Variants in STRN3 observed in about 807,000 individuals in gnomAD.
The protein encoded by STRN3 is striatin 3.
A neutral mutation model predicts 95.6 loss-of-function variants in STRN3; 29 were observed. The observed-to-expected ratio is 0.30, with a 90% confidence interval of 0.23 to 0.41. STRN3 has a LOEUF of 0.41. STRN3 is among the 10% of genes least tolerant of loss of function. The pLI is 1.00. For synonymous variants in STRN3, 331 were observed against 357.6 expected (o/e 0.93, Z 0.84); for missense variants, 890 against 972.1 (o/e 0.92, Z 1.12).
intron 1 of STRN3, among the ~76,000 whole-genome samples, chr14:30,982,948 T>C (rs1881483973): frequency 6.6e-6 from 1 of 152,100 alleles, no homozygotes; most frequent in Admixed American, 6.6e-5. Context: ...TACCCTTTAA[T>C]CTATAATAAA....
At chr14:31,021,196 T>C (rs189328265) in intron 1 of STRN3, among the ~76,000 whole-genome samples, 43 of 152,166 alleles carry the variant, frequency 2.8e-4, no homozygotes, top group African/African-American at 9.2e-4. Flanking sequence ...TGAATGGATG[T>C]ATTGAATTTG....
intron 1 of STRN3, among the ~76,000 whole-genome samples, chr14:31,000,550 C>A: frequency 6.6e-6 from 1 of 151,186 alleles, no homozygotes. Flanking sequence ...TAAATGGTAC[C>A]CAGGAAAATA....
Position 30,956,209 on chromosome 14 carries a change from CT to C in STRN3, c.315del (p.Gly106ValfsTer5). ...ARIAFLQGER[K>X]GQENLKKDLV... ...AAGTCCTTCTTCAGGTTCTCTTGAC[CT>C]TTTCTTTCGCCTTGTAGAAATGCAA... On this transcript the variant is annotated frameshift_variant, in exon 2 of 18. Coordinates refer to ENST00000357479, the MANE Select transcript of STRN3 (RefSeq NM_001083893.2). LOFTEE classifies it high-confidence loss of function. The C allele has an allele frequency of 6.2e-7, 1 of 1,613,842 alleles. No individual in the cohort carries two copies.
chr14:30,970,642 C>T (rs1566466011), intron 1 of STRN3, among the ~76,000 whole-genome samples: 1 of 152,198 alleles, frequency 6.6e-6, no homozygotes, highest in Non-Finnish European at 1.5e-5. Flanking sequence ...CCACTGCCTG[C>T]ACCAGCTTCT....
intron 8 of STRN3, 38 bp downstream of exon 8, chr14:30,929,163 G>T (rs1241614481): frequency 1.3e-6 from 2 of 1,504,832 alleles, no homozygotes; most frequent in Admixed American, 2.1e-5. Flanking sequence ...CTCAATTATT[G>T]GTATACAAAA....
chr14:31,001,540 T>TAA (rs879303908), intron 1 of STRN3, among the ~76,000 whole-genome samples: 9 of 136,776 alleles, frequency 6.6e-5, no homozygotes, highest in Non-Finnish European at 6.4e-5. Flanking sequence ...AGACCCCACC[T>TAA]AAAAAAAAAA....
At chr14:30,991,615 A>G (rs901317000) in intron 1 of STRN3, among the ~76,000 whole-genome samples, 49 of 152,192 alleles carry the variant, frequency 3.2e-4, no homozygotes, top group African/African-American at 1.2e-3. Flanking sequence ...AGGAAACAGT[A>G]TGTGTGAAGG....
In STRN3 at chr14:30,956,128, G is replaced by C; in HGVS notation, c.386+11C>G. The C allele has an allele frequency of 6.2e-7, 1 of 1,602,324 alleles. No individual in the cohort carries two copies. The highest frequency in any genetic ancestry group is 2.2e-5 in the East Asian group (1 of 44,796). ...CTACTTTATTCATGTAACAAAATGA[G>C]GCACACATACCTTTCTTGTTTTAAT... is the stretch of plus-strand genomic sequence containing the variant. On this transcript the variant is annotated intron_variant, in intron 2 of 17. Transcript: ENST00000357479.
intron 4 of STRN3, among the ~76,000 whole-genome samples, chr14:30,949,335 A>G (rs1478972836): frequency 1.3e-5 from 2 of 152,226 alleles, no homozygotes; most frequent in Admixed American, 6.5e-5. Context: ...TACAGAGGCC[A>G]GGTGCGGTGG....
At chr14:30,909,989 C>T (rs574849733) in intron 13 of STRN3, among the ~76,000 whole-genome samples, 2 of 152,180 alleles carry the variant, frequency 1.3e-5, no homozygotes, top group Non-Finnish European at 2.9e-5. Context: ...TTGGCAATGT[C>T]GTTTGTCACC....
chr14:30,926,651 T>C (rs1246730548), intron 8 of STRN3, among the ~76,000 whole-genome samples: 1 of 151,990 alleles, frequency 6.6e-6, no homozygotes, highest in Non-Finnish European at 1.5e-5. Context: ...ATACTTCTTA[T>C]ATTATCTGAA....
At chr14:31,012,336 C>T (rs1287170137) in intron 1 of STRN3, among the ~76,000 whole-genome samples, 1 of 152,144 alleles carries the variant, frequency 6.6e-6, no homozygotes, top group Non-Finnish European at 1.5e-5. Context: ...CAAAAACATC[C>T]TAAGTTCAGA....
intron 1 of STRN3, among the ~76,000 whole-genome samples, chr14:30,981,208 G>A (rs1881380734): frequency 6.6e-6 from 1 of 150,962 alleles, no homozygotes; most frequent in Non-Finnish European, 1.5e-5. Context: ...CCAGCTACTT[G>A]AGAGGCTGAG....
At chr14:30,980,177 G>A (rs1013461899) in intron 1 of STRN3, among the ~76,000 whole-genome samples, 16 of 152,012 alleles carry the variant, frequency 1.1e-4, no homozygotes, top group African/African-American at 3.4e-4. Flanking sequence ...CCCAAGAGGC[G>A]GAGGCTGCAG....
intron 9 of STRN3, among the ~76,000 whole-genome samples, chr14:30,916,806 G>C (rs1281952196): frequency 2.6e-5 from 4 of 151,938 alleles, no homozygotes; most frequent in Admixed American, 1.3e-4. Context: ...TAGTATAACG[G>C]GTCTATAAAA....
chr14:30,914,792 A>G (rs1896695235), intron 9 of STRN3, among the ~76,000 whole-genome samples: 1 of 152,258 alleles, frequency 6.6e-6, no homozygotes, highest in Non-Finnish European at 1.5e-5. Context: ...ATTTCAAACT[A>G]AACTCAGGTT....
At chr14:31,014,545 T>G (rs1244699335) in intron 1 of STRN3, 2 of 365,306 alleles carry the variant, frequency 5.5e-6, no homozygotes, top group Non-Finnish European at 1.1e-5. Flanking sequence ...TAATAGGAAT[T>G]TTTACGTCTG....
At chr14:30,982,482 G>T (rs920638703) in intron 1 of STRN3, among the ~76,000 whole-genome samples, 1 of 152,110 alleles carries the variant, frequency 6.6e-6, no homozygotes, top group African/African-American at 2.4e-5. Context: ...TAATTTTTTT[G>T]TATTTTTAGT....
At chr14:30,896,598 G>A (rs1263259740) in intron 16 of STRN3, among the ~76,000 whole-genome samples, 1 of 151,636 alleles carries the variant, frequency 6.6e-6, no homozygotes, top group Admixed American at 6.6e-5. Context: ...GGGGAGGGAA[G>A]AAGGAAGGAA....
Sources: gnomAD v4.1 joint callset for allele counts (sites outside exome capture counted in the v4.1 genomes callset) on GRCh38, gnomAD v4.1.1 for gene constraint, MANE v1.5 for transcripts, NCBI Gene and HGNC (gene_info 2026-07-23, HGNC 2026-07-21) for gene names.